Variants in PPARD observed in about 807,000 individuals in gnomAD.
The protein encoded by PPARD is peroxisome proliferator-activated receptor delta.
Under a neutral mutation model 39.5 loss-of-function variants are expected in PPARD, and 6 were observed. The observed-to-expected ratio is 0.15, with a 90% confidence interval of 0.08 to 0.30. The LOEUF is 0.30. PPARD is among the 10% of genes least tolerant of loss of function. The probability of loss-of-function intolerance (pLI) is 1.00; values close to 1 mark genes in which losing one functional copy is unlikely to be tolerated. For synonymous variants in PPARD, 210 were observed against 231.3 expected (o/e 0.91, Z 0.83); for missense variants, 397 against 596.8 (o/e 0.67, Z 3.49).
At chr6:35,368,150 C>T (rs1405067304) in intron 2 of PPARD, among the ~76,000 whole-genome samples, 1 of 152,184 alleles carries the variant, frequency 6.6e-6, no homozygotes, top group East Asian at 1.9e-4. Flanking sequence ...GGAAGTTGTA[C>T]TAGTCATCCC....
intron 2 of PPARD, among the ~76,000 whole-genome samples, chr6:35,351,119 G>A (rs917403900): frequency 1.5e-4 from 22 of 151,466 alleles, no homozygotes; most frequent in Admixed American, 4.6e-4. Flanking sequence ...CCCGCCTCCC[G>A]GGTTCATGCC....
intron 2 of PPARD, among the ~76,000 whole-genome samples, chr6:35,380,581 C>T (rs993638745): frequency 1.0e-4 from 14 of 140,216 alleles, no homozygotes; most frequent in Admixed American, 1.6e-4. Flanking sequence ...CTCGACCTTT[C>T]GGGCTCAAGC....
intron 3 of PPARD, among the ~76,000 whole-genome samples, chr6:35,415,535 T>C (rs1344203305): frequency 1.3e-5 from 2 of 152,224 alleles, no homozygotes; most frequent in East Asian, 3.9e-4. Flanking sequence ...CTTTACTCTC[T>C]GGGTGAGAGG....
At chr6:35,374,323 T>C (rs1225850386) in intron 2 of PPARD, among the ~76,000 whole-genome samples, 3 of 147,446 alleles carry the variant, frequency 2.0e-5, no homozygotes, top group African/African-American at 2.6e-5. Context: ...CGGGGGGGTT[T>C]AGTGGGCAAT....
chr6:35,422,987 G>A (rs1766282350), intron 5 of PPARD, among the ~76,000 whole-genome samples: 1 of 138,288 alleles, frequency 7.2e-6, no homozygotes, highest in Admixed American at 7.8e-5. Flanking sequence ...GGAGGCCAAG[G>A]TAGGAGGATT....
At chr6:35,411,623 G>A (rs543189338) in intron 3 of PPARD, among the ~76,000 whole-genome samples, 50 of 152,260 alleles carry the variant, frequency 3.3e-4, no homozygotes, top group Admixed American at 1.7e-3. Flanking sequence ...ATGATCAGTC[G>A]AAACACACAG....
At chr6:35,355,024 T>C (rs1424096093) in intron 2 of PPARD, among the ~76,000 whole-genome samples, 2 of 152,174 alleles carry the variant, frequency 1.3e-5, no homozygotes, top group African/African-American at 4.8e-5. Context: ...TTGTCCTCTT[T>C]CTGTCAAGCT....
At chr6:35,383,113 G>T (rs1274129260) in intron 2 of PPARD, among the ~76,000 whole-genome samples, 1 of 152,070 alleles carries the variant, frequency 6.6e-6, no homozygotes. Context: ...TGAGGAGTGG[G>T]CAGGGCTTGA....
intron 2 of PPARD, among the ~76,000 whole-genome samples, chr6:35,397,892 G>A (rs1382662158): frequency 6.6e-6 from 1 of 152,200 alleles, no homozygotes; most frequent in Non-Finnish European, 1.5e-5. Context: ...GAAAGGACCT[G>A]AAGAAGGTGA....
At chr6:35,356,338 TC>T (rs112223122) in intron 2 of PPARD, among the ~76,000 whole-genome samples, 3,194 of 152,302 alleles carry the variant, frequency 0.021, 66 homozygotes, top group African/African-American at 0.052. Context: ...AACTTTGCTC[TC>T]CAAATGGCAG....
chr6:35,404,771 G>A (rs1296155429), intron 2 of PPARD, among the ~76,000 whole-genome samples: 1 of 152,332 alleles, frequency 6.6e-6, no homozygotes, highest in Middle Eastern at 3.4e-3. Context: ...TCTCTCTAGA[G>A]CTCTGGGCCA....
chr6:35,425,502 T>C lies in PPARD; in HGVS notation c.1079-330T>C. On this transcript the variant is annotated intron_variant, in intron 7 of 7. Transcript: ENST00000360694. The surrounding 1 kb of genome is among the most constrained non-coding windows in gnomAD (Gnocchi z 4.5). ...CTGTGCAGGAAGAATGTTTTGTGTC[T>C]CCATTTTACACATCAGAGAGGCTGA... The C allele has an allele frequency of 1.0e-6, 1 of 987,156 alleles. No individual in the cohort carries two copies. Among genetic ancestry groups the C allele is most frequent in the South Asian group, 2.3e-5 (1 of 42,954 alleles). The allele number at this position is 987,156 out of a possible 1,614,324, so 61.1% of individuals were successfully genotyped here.
chr6:35,375,118 A>G (rs1203781426), intron 2 of PPARD, among the ~76,000 whole-genome samples: 1 of 151,126 alleles, frequency 6.6e-6, no homozygotes, highest in Non-Finnish European at 1.5e-5. Context: ...TAATTTATGT[A>G]CATTTTTGGG....
intron 2 of PPARD, among the ~76,000 whole-genome samples, chr6:35,410,772 C>A (rs1409291274): frequency 6.6e-6 from 1 of 152,208 alleles, no homozygotes; most frequent in Non-Finnish European, 1.5e-5. Context: ...CCGAACCCCA[C>A]AAACCCACTA....
At chr6:35,358,037 T>C (rs1464970585) in intron 2 of PPARD, among the ~76,000 whole-genome samples, 1 of 152,186 alleles carries the variant, frequency 6.6e-6, no homozygotes, top group East Asian at 1.9e-4. Flanking sequence ...CCCTGTAACC[T>C]GTGAATATTA....
chr6:35,357,050 G>A (rs1030350144), intron 2 of PPARD, among the ~76,000 whole-genome samples: 1 of 152,144 alleles, frequency 6.6e-6, no homozygotes, highest in Non-Finnish European at 1.5e-5. Flanking sequence ...TGTTTCTCAG[G>A]GTGTGCTTTT....
At chr6:35,358,911 G>A (rs1371326115) in intron 2 of PPARD, among the ~76,000 whole-genome samples, 6 of 152,356 alleles carry the variant, frequency 3.9e-5, no homozygotes, top group Admixed American at 6.5e-5. Flanking sequence ...GGTGGGGGAA[G>A]TGGAGGGAGC....
intron 2 of PPARD, among the ~76,000 whole-genome samples, chr6:35,374,308 T>TGGGGGG (rs750412240): frequency 3.2e-5 from 4 of 126,064 alleles, no homozygotes; most frequent in African/African-American, 9.0e-5. Context: ...TTCTCGGCGG[T>TGGGGGG]GGGGCGGGGG....
At chr6:35,396,823 C>CT (rs1456903670) in intron 2 of PPARD, among the ~76,000 whole-genome samples, 1 of 152,090 alleles carries the variant, frequency 6.6e-6, no homozygotes, top group East Asian at 1.9e-4. Context: ...GAGTGAGACT[C>CT]TGTCTCAATA....
Sources: gnomAD v4.1 joint callset for allele counts (sites outside exome capture counted in the v4.1 genomes callset) on GRCh38, gnomAD v4.1.1 for gene constraint, Gnocchi (gnomAD v3.1) non-coding constraint, MANE v1.5 for transcripts, NCBI Gene and HGNC (gene_info 2026-07-23, HGNC 2026-07-21) for gene names.